IMMP2L: variants seen among roughly 807,000 people sequenced by gnomAD.
IMMP2L encodes inner mitochondrial membrane peptidase subunit 2.
A neutral mutation model predicts 19.3 loss-of-function variants in IMMP2L; 18 were observed. The ratio of observed to expected loss-of-function variants is 0.93; its 90% confidence interval spans 0.64 to 1.38. IMMP2L has a LOEUF of 1.38. Ranked by LOEUF, IMMP2L falls within the 40% of genes most tolerant of loss-of-function variation. IMMP2L has a pLI of 0.00. For synonymous variants in IMMP2L, 76 were observed against 73.0 expected (o/e 1.04, Z -0.21); for missense variants, 233 against 218.2 (o/e 1.07, Z -0.43).
At chr7:111,143,169 AC>A (rs1803118722) in intron 3 of IMMP2L, among the ~76,000 whole-genome samples, 1 of 152,224 alleles carries the variant, frequency 6.6e-6, no homozygotes, top group Non-Finnish European at 1.5e-5. Context: ...ATTTTATTAC[AC>A]AATGAGAAGA....
rs191369691 is a variant in IMMP2L at position 111,307,269 on chromosome 7, A to G, written c.239+179969T>C. 4.5e-4 allele frequency among the ~76,000 whole-genome samples: 68 copies of G among 151,764 alleles called. 1 individual carries two copies. The highest frequency in any genetic ancestry group is 1.4e-3 in the African/African-American group (59 of 41,522). On this transcript the variant is annotated intron_variant, in intron 3 of 5. Transcript: ENST00000405709. ...ACTTGAAATAAGAAACTAAAGAGTG[A>G]TTAATATTTGGCCAATGTTACATGA...
chr7:111,022,538 C>T (rs1230957850), intron 3 of IMMP2L, among the ~76,000 whole-genome samples: 1 of 152,134 alleles, frequency 6.6e-6, no homozygotes, highest in Non-Finnish European at 1.5e-5. Context: ...CTCAGATGTT[C>T]CGAGATACAC....
chr7:111,317,632 A>T (rs1003620620), intron 3 of IMMP2L, among the ~76,000 whole-genome samples: 2 of 152,066 alleles, frequency 1.3e-5, no homozygotes, highest in Admixed American at 1.3e-4. Flanking sequence ...AAAATCAACA[A>T]TTTGTCTTCA....
chr7:111,354,547 T>C (rs1287779230), intron 3 of IMMP2L, among the ~76,000 whole-genome samples: 1 of 151,074 alleles, frequency 6.6e-6, no homozygotes, highest in Non-Finnish European at 1.5e-5. Context: ...CGAGAGGTTC[T>C]AGTCAACAAA....
At chr7:110,739,838 G>C (rs1181599837) in intron 5 of IMMP2L, among the ~76,000 whole-genome samples, 2 of 152,164 alleles carry the variant, frequency 1.3e-5, no homozygotes, top group Non-Finnish European at 2.9e-5. Context: ...TTAAATTTAA[G>C]AAAATCAAAA....
At chr7:111,085,834 C>T (rs540662823) in intron 3 of IMMP2L, among the ~76,000 whole-genome samples, 1 of 152,244 alleles carries the variant, frequency 6.6e-6, no homozygotes, top group Non-Finnish European at 1.5e-5. Flanking sequence ...ATGTCTGTTG[C>T]AGGGACATGG....
intron 1 of IMMP2L, among the ~76,000 whole-genome samples, chr7:111,537,170 T>G (rs1335043463): frequency 6.6e-6 from 1 of 152,176 alleles, no homozygotes; most frequent in African/African-American, 2.4e-5. Context: ...GCATTGTTCT[T>G]TGGAATTATT....
intron 5 of IMMP2L, among the ~76,000 whole-genome samples, chr7:110,782,341 A>C (rs1265011757): frequency 6.6e-6 from 1 of 151,966 alleles, no homozygotes; most frequent in Non-Finnish European, 1.5e-5. Context: ...ATAAACAAAC[A>C]GCATAAGAAT....
intron 5 of IMMP2L, among the ~76,000 whole-genome samples, chr7:110,815,350 C>T (rs557008015): frequency 1.8e-4 from 27 of 152,118 alleles, no homozygotes; most frequent in African/African-American, 6.5e-4. Context: ...TTTTGATGTG[C>T]TGCTGGATTC....
chr7:111,465,072 G>A (rs1236754172), intron 3 of IMMP2L, among the ~76,000 whole-genome samples: 1 of 151,998 alleles, frequency 6.6e-6, no homozygotes, highest in Admixed American at 6.6e-5. Flanking sequence ...TGGGATTACA[G>A]GTGTGAGCCA....
chr7:111,466,835 A>G (rs900594825), intron 3 of IMMP2L, among the ~76,000 whole-genome samples: 3 of 152,186 alleles, frequency 2.0e-5, no homozygotes, highest in African/African-American at 4.8e-5. Context: ...AACTATTTAC[A>G]TAGCATTTAC....
chr7:111,429,387 T>G (rs1391375184), intron 3 of IMMP2L, among the ~76,000 whole-genome samples: 3 of 151,836 alleles, frequency 2.0e-5, no homozygotes, highest in Non-Finnish European at 1.5e-5. Context: ...AAGGCCTGAG[T>G]GAAAAGTATG....
At chr7:110,677,183 A>G (rs771899184) in intron 5 of IMMP2L, among the ~76,000 whole-genome samples, 22 of 152,196 alleles carry the variant, frequency 1.4e-4, no homozygotes, top group Non-Finnish European at 2.5e-4. Context: ...AATAAATAGC[A>G]TAACATTGAG....
intron 1 of IMMP2L, among the ~76,000 whole-genome samples, chr7:111,542,449 G>A (rs780577704): frequency 6.6e-6 from 1 of 151,928 alleles, no homozygotes; most frequent in African/African-American, 2.4e-5. Context: ...GATATAAACC[G>A]ATGCTCAGAG....
chr7:111,479,967 A>G (rs879580353), intron 3 of IMMP2L, among the ~76,000 whole-genome samples: 5 of 152,114 alleles, frequency 3.3e-5, no homozygotes, highest in Admixed American at 6.5e-5. Context: ...CTAAGATGTA[A>G]TTTGTCTCTG....
intron 4 of IMMP2L, among the ~76,000 whole-genome samples, chr7:110,916,771 T>C (rs972841607): frequency 6.6e-6 from 1 of 152,240 alleles, no homozygotes; most frequent in Non-Finnish European, 1.5e-5. Context: ...ACTTTTACTA[T>C]GTGTAAGGCT....
At chr7:111,202,376 AC>A (rs1562921176) in intron 3 of IMMP2L, among the ~76,000 whole-genome samples, 1 of 152,134 alleles carries the variant, frequency 6.6e-6, no homozygotes, top group Non-Finnish European at 1.5e-5. Context: ...AAATAACTGT[AC>A]TCACGCACTC....
chr7:111,392,804 T>C (rs1437185849), intron 3 of IMMP2L: 2 of 456,576 alleles, frequency 4.4e-6, no homozygotes, highest in Admixed American at 2.3e-5. Context: ...TTACTTACCA[T>C]TACTGGTGCA....
chr7:111,074,654 T>A (rs2129575712), intron 3 of IMMP2L, among the ~76,000 whole-genome samples: 1 of 152,322 alleles, frequency 6.6e-6, no homozygotes, highest in Admixed American at 6.5e-5. Flanking sequence ...AAAATTCTAA[T>A]GTTCTTCCTA....
Sources: allele counts gnomAD v4.1 joint callset (sites outside exome capture counted in the v4.1 genomes callset), GRCh38; gene constraint gnomAD v4.1.1; transcripts MANE v1.5; gene names NCBI Gene and HGNC (gene_info 2026-07-23, HGNC 2026-07-21).